The following SNX22 variants were observed in gnomAD, a reference collection of about 807,000 sequenced individuals.
SNX22 encodes the protein sorting nexin 22.
SNX22 carries 23 observed loss-of-function variants against 24.7 expected under a neutral mutation model. That is an observed-to-expected ratio of 0.93 (90% CI 0.67 to 1.32). The LOEUF is 1.32. Among genes scored for constraint, SNX22 ranks in the 40% most tolerant of loss-of-function variants. The probability of loss-of-function intolerance (pLI) is 0.00; values close to 1 mark genes in which losing one functional copy is unlikely to be tolerated. For synonymous variants in SNX22, 99 were observed against 104.0 expected (o/e 0.95, Z 0.29); for missense variants, 261 against 249.9 (o/e 1.04, Z -0.30).
rs1195004182 is a variant in SNX22, at chr15:64,155,867, G to GAGTT, written c.*1360_*1363dup. 14 of 1,093,518 alleles carry GAGTT rather than the reference G, an allele frequency of 1.3e-5. No individual in the cohort carries two copies. The highest frequency in any genetic ancestry group is 1.5e-5 in the Non-Finnish European group (11 of 727,590). The allele number at this position is 1,093,518 out of a possible 1,614,324, so 67.7% of individuals were successfully genotyped here. On this transcript the variant is annotated 3_prime_UTR_variant, in exon 7 of 7. Transcript: ENST00000325881. ...TTTTTTTATTGGTCAGTGTTGGTAG[G>GAGTT]AGTTTGTTACAAAAGTGAGTCCATG... is the stretch of plus-strand genomic sequence containing the variant.
chr15:64,152,943 A>G (rs1308584763), intron 3 of SNX22: 4 of 612,788 alleles, frequency 6.5e-6, no homozygotes. Context: ...GGTAACGGAC[A>G]CAGGTAGTCC....
rs2081501240 is a variant in SNX22 at position 64,153,357 on chromosome 15, C to T, written c.359+18C>T. ...AACTGGGGGTAAGGGGGGCCGATGG[C>T]GGGGGCCAGGGGCTGTCAGCAGTGA... is the stretch of plus-strand genomic sequence containing the variant. On this transcript the variant is annotated intron_variant, in intron 4 of 6. Coordinates refer to ENST00000325881, the MANE Select transcript of SNX22 (RefSeq NM_024798.3). 1 of 1,612,920 alleles carries T rather than the reference C, an allele frequency of 6.2e-7. No individual in the cohort carries two copies. Among genetic ancestry groups the T allele is most frequent in the East Asian group, 2.2e-5 (1 of 44,864 alleles).
Position 64,155,814 on chromosome 15 carries a change from A to C in SNX22, c.*1306A>C. 1 of 568,590 alleles carries C rather than the reference A, an allele frequency of 1.8e-6. No individual in the cohort carries two copies. The highest frequency in any genetic ancestry group is 2.9e-6 in the Non-Finnish European group (1 of 343,706). 35.2% of individuals were successfully genotyped at this position (568,590 alleles called of 1,614,324 possible). ...GGCTCAAGAACCAGGCCCACACATT[A>C]TATATTAAAAAAAAAAAAACCCACA... is the stretch of plus-strand genomic sequence containing the variant. On this transcript the variant is annotated 3_prime_UTR_variant, in exon 7 of 7. Transcript: ENST00000325881.
In SNX22 at chr15:64,156,780, T is replaced by C; in HGVS notation, c.*2272T>C. ...ATGCTTGCCATCTAGCCAGGCTGTC[T>C]TGACTGTCGTGATGAAGAACTGGGA... On this transcript the variant is annotated 3_prime_UTR_variant, in exon 7 of 7. Coordinates refer to ENST00000325881, the MANE Select transcript of SNX22 (RefSeq NM_024798.3). The surrounding 1 kb of genome is among the most constrained non-coding windows in gnomAD (Gnocchi z 6.4). The C allele has an allele frequency of 6.2e-7, 1 of 1,614,218 alleles. No individual in the cohort carries two copies. Among genetic ancestry groups the C allele is most frequent in the Non-Finnish European group, 8.5e-7 (1 of 1,180,040 alleles).
chr15:64,156,093 A>C lies in SNX22; in HGVS notation c.*1585A>C. The C allele has an allele frequency of 6.2e-7, 1 of 1,614,162 alleles. No homozygotes were observed. Among genetic ancestry groups the C allele is most frequent in the Non-Finnish European group, 8.5e-7 (1 of 1,180,022 alleles). On this transcript the variant is annotated 3_prime_UTR_variant, in exon 7 of 7. Coordinates refer to ENST00000325881, the MANE Select transcript of SNX22 (RefSeq NM_024798.3). The surrounding 1 kb of genome is among the most constrained non-coding windows in gnomAD (Gnocchi z 6.4). ...GCAGTCTGCGATGATCACATCCTTCAGGGGTTTATCCCGGCTGTCTGTCTT... is the reference window on the plus strand; with the variant it reads ...GCAGTCTGCGATGATCACATCCTTCCGGGGTTTATCCCGGCTGTCTGTCTT...
chr15:64,157,329 C>T lies in SNX22; in HGVS notation c.*2821C>T, dbSNP rs2081540951. ...TGCTGTGGCTGACCAGCCTGTTTTC[C>T]TATGAGCACAAAAGACACAGGCATA... On this transcript the variant is annotated 3_prime_UTR_variant, in exon 7 of 7. Transcript: ENST00000325881. This position sits in a 1 kb window ranked among gnomAD's most constrained non-coding sequence, Gnocchi z 4.2. The T allele has an allele frequency of 4.6e-6, 1 of 215,600 alleles. No homozygotes were observed. The highest frequency in any genetic ancestry group is 9.4e-6 in the Non-Finnish European group (1 of 106,126). The allele number at this position is 215,600 out of a possible 1,614,324, so 13.4% of individuals were successfully genotyped here.
intron 2 of SNX22, 27 bp downstream of exon 2, chr15:64,152,353 C>T (rs1338521132): frequency 6.7e-7 from 1 of 1,495,660 alleles, no homozygotes; most frequent in Admixed American, 2.2e-5. Context: ...CTCCCACCGG[C>T]CCCGGCCCAG....
Position 64,154,452 on chromosome 15 carries a change from G to C in SNX22, c.526G>C (p.Asp176His), listed in dbSNP as rs375374034. ...QGLYSFSISP[D>H]KAQPKAACHP... is the part of the protein sequence containing the mutation. ...CCTCTACAGCTTCAGCATCAGCCCA[G>C]ATAAAGCCCAGCCAAAGGCGGCCTG... The change falls in exon 7 of 7, where the codon GAT (aspartate) becomes CAT (histidine). Residue 176 changes from aspartate (D) to histidine (H), a missense_variant. By Grantham distance (81) the Asp-to-His change is moderately conservative. Transcript: ENST00000325881. 1 of 1,614,150 alleles carries C rather than the reference G, an allele frequency of 6.2e-7. No individual in the cohort carries two copies. Among genetic ancestry groups the C allele is most frequent in the East Asian group, 2.2e-5 (1 of 44,878 alleles).
At chr15:64,152,491 T>C in intron 2 of SNX22, 147 bp from the exon 3 acceptor site, 1 of 1,195,576 alleles carries the variant, frequency 8.4e-7, no homozygotes, top group Non-Finnish European at 1.2e-6. Context: ...GGTTGGGGCC[T>C]TCCTCGCCCT....
Position 64,156,374 on chromosome 15 carries a change from CAAGGGT to C in SNX22, c.*1867_*1872del. 1 of 667,168 alleles carries C rather than the reference CAAGGGT, an allele frequency of 1.5e-6. No homozygotes were observed. Among genetic ancestry groups the C allele is most frequent in the Non-Finnish European group, 2.6e-6 (1 of 381,014 alleles). The allele number at this position is 667,168 out of a possible 1,614,324, so 41.3% of individuals were successfully genotyped here. On this transcript the variant is annotated 3_prime_UTR_variant, in exon 7 of 7. Transcript: ENST00000325881. The surrounding 1 kb of genome is among the most constrained non-coding windows in gnomAD (Gnocchi z 6.4). ...CTTTGAAGTAAGACCCAGGTTGGGC[CAAGGGT>C]GAGGAGGAGGAAGAGGGTGACCAGG...
At chr15:64,153,556 C>T in intron 4 of SNX22, 96 bp from the exon 5 acceptor site, 1 of 1,550,390 alleles carries the variant, frequency 6.4e-7, no homozygotes, top group South Asian at 1.1e-5. Flanking sequence ...AGCAGTGGTC[C>T]CCTGGGAGGT....
intron 6 of SNX22, 173 bp downstream of exon 6, chr15:64,154,175 T>A: frequency 6.4e-7 from 1 of 1,573,660 alleles, no homozygotes; most frequent in Non-Finnish European, 8.6e-7. Flanking sequence ...AAGTTTGGCT[T>A]CCCTGGTCTC....
Position 64,156,445 on chromosome 15 carries a change from T to C in SNX22, c.*1937T>C, listed in dbSNP as rs2081532076. On this transcript the variant is annotated 3_prime_UTR_variant, in exon 7 of 7. Transcript: ENST00000325881. This position sits in a 1 kb window ranked among gnomAD's most constrained non-coding sequence, Gnocchi z 6.4. ...AGGGACATTGCGTTCAGCTGCACTC[T>C]GTATACCTCAGGGGTGGGACCAGCA... 1.6e-6 allele frequency: 1 copy of C among 616,394 alleles called. No homozygotes were observed. The highest frequency in any genetic ancestry group is 1.8e-5 in the African/African-American group (1 of 54,456). 38.2% of individuals were successfully genotyped at this position (616,394 alleles called of 1,614,324 possible).
rs1317972232 is a variant in SNX22 at position 64,154,866 on chromosome 15, CGT to C, written c.*359_*360del. 6.0e-6 allele frequency: 1 copy of C among 167,206 alleles called. No homozygotes were observed. The highest frequency in any genetic ancestry group is 1.3e-5 in the Non-Finnish European group (1 of 77,888). 10.4% of individuals were successfully genotyped at this position (167,206 alleles called of 1,614,324 possible). Reference sequence around the variant, plus strand: ...CAGCCTGACCACCATGGAGAAACCCCGTCTCTACTAAAAATACAAAATTAGCC... The same window carrying C: ...CAGCCTGACCACCATGGAGAAACCCCCTCTACTAAAAATACAAAATTAGCC... On this transcript the variant is annotated 3_prime_UTR_variant, in exon 7 of 7. Transcript: ENST00000325881.
At chr15:64,153,135 C>T in intron 3 of SNX22, 110 bp from the exon 4 acceptor site, 1 of 1,357,324 alleles carries the variant, frequency 7.4e-7, no homozygotes, top group Non-Finnish European at 1.0e-6. Flanking sequence ...GCTCTGCTGT[C>T]ATTGTCGTGA....
At position 64,156,593 on chromosome 15, in the gene SNX22, A is replaced by C. The variant is rs1212349248; in HGVS notation, c.*2085A>C. The C allele has an allele frequency of 9.1e-7, 1 of 1,102,158 alleles. No individual in the cohort carries two copies. The highest frequency in any genetic ancestry group is 1.4e-6 in the Non-Finnish European group (1 of 716,464). 68.3% of individuals were successfully genotyped at this position (1,102,158 alleles called of 1,614,324 possible). ...TGGAGGTACAGGGTTTATTCTGGAC[A>C]GGAGCACTGGGCTGCATCTGTGGGT... On this transcript the variant is annotated 3_prime_UTR_variant, in exon 7 of 7. Transcript: ENST00000325881. The surrounding 1 kb of genome is among the most constrained non-coding windows in gnomAD (Gnocchi z 6.4).
rs765823746 is a variant in SNX22, at chr15:64,154,399, A to G, written c.473A>G (p.Asn158Ser). 1.9e-6 allele frequency: 3 copies of G among 1,613,998 alleles called. No individual in the cohort carries two copies. The highest frequency in any genetic ancestry group is 2.7e-5 in the African/African-American group (2 of 74,928). The change falls in exon 7 of 7, where the codon AAC (asparagine) becomes AGC (serine). Residue 158 changes from asparagine (N) to serine (S), a missense_variant. Physicochemically the swap from Asn to Ser is conservative, Grantham distance 46. Transcript: ENST00000325881. ...VCNPSPESLP[N>S]VVVNGVLQGL... The stretch of plus-strand genomic sequence containing the variant: ...TTCTATCCCACAGAGTCGCTGCCCA[A>G]CGTGGTGGTGAATGGTGTGCTCCAG...
chr15:64,156,268 T>C lies in SNX22; in HGVS notation c.*1760T>C, dbSNP rs1402301603. The stretch of plus-strand genomic sequence containing the variant: ...ACAAGTGATCAACAGCACACAAAAC[T>C]GGAGGCACCAAAATTCTAACAGACT... On this transcript the variant is annotated 3_prime_UTR_variant, in exon 7 of 7. Coordinates refer to ENST00000325881, the MANE Select transcript of SNX22 (RefSeq NM_024798.3). The surrounding 1 kb of genome is among the most constrained non-coding windows in gnomAD (Gnocchi z 6.4). The C allele has an allele frequency of 2.7e-5, 34 of 1,266,652 alleles. No homozygotes were observed. The highest frequency in any genetic ancestry group is 3.7e-5 in the Non-Finnish European group (33 of 890,564). 78.5% of individuals were successfully genotyped at this position (1,266,652 alleles called of 1,614,324 possible).
Position 64,156,755 on chromosome 15 carries a change from A to G in SNX22, c.*2247A>G, listed in dbSNP as rs751507032. ...CCTCTAGAACTTTGCCAAACACCAC[A>G]TGCTTGCCATCTAGCCAGGCTGTCT... On this transcript the variant is annotated 3_prime_UTR_variant, in exon 7 of 7. Coordinates refer to ENST00000325881, the MANE Select transcript of SNX22 (RefSeq NM_024798.3). The surrounding 1 kb of genome is among the most constrained non-coding windows in gnomAD (Gnocchi z 6.4). 2 of 1,613,990 alleles carry G rather than the reference A, an allele frequency of 1.2e-6. No individual in the cohort carries two copies. Among genetic ancestry groups the G allele is most frequent in the Admixed American group, 1.7e-5 (1 of 60,010 alleles).
Sources: gnomAD v4.1 joint callset for allele counts on GRCh38, gnomAD v4.1.1 for gene constraint, Gnocchi (gnomAD v3.1) non-coding constraint, MANE v1.5 for transcripts, NCBI Gene and HGNC (gene_info 2026-07-23, HGNC 2026-07-21) for gene names.